The following DIS3L2 variants were observed in gnomAD, a reference collection of about 807,000 sequenced individuals.
The protein encoded by DIS3L2 is DIS3-like exonuclease 2.
A neutral mutation model predicts 97.5 loss-of-function variants in DIS3L2; 34 were observed. The ratio of observed to expected loss-of-function variants is 0.35; its 90% CI spans 0.27 to 0.46. The LOEUF is 0.46. DIS3L2 is among the 20% of genes least tolerant of loss of function. The pLI is 1.00. For synonymous variants in DIS3L2, 435 were observed against 445.2 expected (o/e 0.98, Z 0.29); for missense variants, 1,038 against 1,146.0 (o/e 0.91, Z 1.36).
chr2:232,084,118 T>TA (rs1180709406), intron 5 of DIS3L2, among the ~76,000 whole-genome samples: 2 of 152,196 alleles, frequency 1.3e-5, no homozygotes, highest in Admixed American at 6.5e-5. Context: ...ATTTGAGTGA[T>TA]ATCGGATTCT....
At chr2:232,228,660 G>A (rs749497983) in intron 10 of DIS3L2, among the ~76,000 whole-genome samples, 20 of 152,114 alleles carry the variant, frequency 1.3e-4, no homozygotes, top group Non-Finnish European at 2.4e-4. Context: ...TCCTGCTCAG[G>A]CTGGCCAGTA....
chr2:232,247,883 T>C (rs1172091648), intron 11 of DIS3L2, among the ~76,000 whole-genome samples: 1 of 152,196 alleles, frequency 6.6e-6, no homozygotes, highest in Non-Finnish European at 1.5e-5. Flanking sequence ...TCTGAACTGA[T>C]GGTGCAAAAG....
chr2:232,228,707 T>C (rs1403707125), intron 10 of DIS3L2, among the ~76,000 whole-genome samples: 2 of 152,164 alleles, frequency 1.3e-5, no homozygotes, highest in African/African-American at 2.4e-5. Flanking sequence ...AGTCAAGAGG[T>C]ACACAGGTGG....
At chr2:232,212,070 C>T (rs997954095) in intron 10 of DIS3L2, among the ~76,000 whole-genome samples, 2 of 152,118 alleles carry the variant, frequency 1.3e-5, no homozygotes, top group Non-Finnish European at 2.9e-5. Flanking sequence ...GAGAAAAGGT[C>T]CCCTGGAAAT....
chr2:232,318,418 T>A (rs1161341956), intron 14 of DIS3L2, among the ~76,000 whole-genome samples: 1 of 152,226 alleles, frequency 6.6e-6, no homozygotes, highest in African/African-American at 2.4e-5. Context: ...CCAGCAAACA[T>A]TATTGGACGC....
chr2:232,205,211 CAT>C (rs57163508), intron 9 of DIS3L2, among the ~76,000 whole-genome samples: 6,183 of 140,472 alleles, frequency 0.044, 277 homozygotes, highest in African/African-American at 0.12. Flanking sequence ...AGGCAGTTTA[CAT>C]ATATATATAT....
chr2:232,114,793 A>G (rs1697649901), intron 6 of DIS3L2, among the ~76,000 whole-genome samples: 1 of 152,222 alleles, frequency 6.6e-6, no homozygotes, highest in Non-Finnish European at 1.5e-5. Flanking sequence ...GAAGAAAAGT[A>G]TCTGGAAGTG....
At chr2:232,077,263 C>G (rs1696219666) in intron 5 of DIS3L2, among the ~76,000 whole-genome samples, 1 of 148,994 alleles carries the variant, frequency 6.7e-6, no homozygotes, top group Admixed American at 6.7e-5. Context: ...TTCCTTTCAG[C>G]ACACTGCCAT....
intron 6 of DIS3L2, among the ~76,000 whole-genome samples, chr2:232,102,916 A>C (rs188350940): frequency 6.6e-6 from 1 of 152,268 alleles, no homozygotes; most frequent in South Asian, 2.1e-4. Context: ...GGCCAGTCAC[A>C]ATTTTATTTC....
intron 9 of DIS3L2, among the ~76,000 whole-genome samples, chr2:232,198,210 A>G (rs763962494): frequency 2.6e-5 from 4 of 152,158 alleles, no homozygotes; most frequent in South Asian, 2.1e-4. Context: ...TTATAATTCT[A>G]TCCCCTTAAG....
At chr2:232,080,472 A>C (rs1696354008) in intron 5 of DIS3L2, among the ~76,000 whole-genome samples, 1 of 152,220 alleles carries the variant, frequency 6.6e-6, no homozygotes, top group Admixed American at 6.5e-5. Context: ...TTCATCCCTG[A>C]ATACTTCAGG....
At chr2:232,235,140 G>A (rs1189148495) in intron 10 of DIS3L2, among the ~76,000 whole-genome samples, 6 of 152,262 alleles carry the variant, frequency 3.9e-5, no homozygotes, top group Non-Finnish European at 7.3e-5. Flanking sequence ...AGCCAGGCCC[G>A]GCTGCCCGGG....
chr2:232,341,006 A>G, downstream of DIS3L2: 1 of 458,684 alleles, frequency 2.2e-6, no homozygotes, highest in South Asian at 1.6e-5. Context: ...AAACGAGAGG[A>G]GGTTGCTCCA....
chr2:232,326,084 C>G (rs1218985943), intron 14 of DIS3L2, among the ~76,000 whole-genome samples: 1 of 152,148 alleles, frequency 6.6e-6, no homozygotes, highest in Non-Finnish European at 1.5e-5. Flanking sequence ...GGGAGGAGGT[C>G]AGGGGAGAGG....
At chr2:232,337,545 G>A (rs1223586722), downstream of DIS3L2, among the ~76,000 whole-genome samples, 1 of 152,116 alleles carries the variant, frequency 6.6e-6, no homozygotes, top group Non-Finnish European at 1.5e-5. Flanking sequence ...GTCCCGAGCA[G>A]AGCTGGCTGG....
chr2:232,127,328 A>G (rs1026181066), intron 6 of DIS3L2, among the ~76,000 whole-genome samples: 3 of 152,220 alleles, frequency 2.0e-5, no homozygotes, highest in Non-Finnish European at 2.9e-5. Flanking sequence ...TTCCTGTGCC[A>G]TAAGTGATGC....
At chr2:232,278,627 G>A (rs1377776079) in intron 13 of DIS3L2, among the ~76,000 whole-genome samples, 1 of 152,220 alleles carries the variant, frequency 6.6e-6, no homozygotes, top group African/African-American at 2.4e-5. Context: ...GGTCGTCCAT[G>A]TTGTTGTGTG....
intron 4 of DIS3L2, among the ~76,000 whole-genome samples, chr2:232,029,490 C>A (rs1694745848): frequency 6.6e-6 from 1 of 151,674 alleles, no homozygotes; most frequent in African/African-American, 2.4e-5. Flanking sequence ...GTGTCTGTAT[C>A]TTGTGTTCAT....
chr2:232,066,787 T>A (rs570059744), intron 5 of DIS3L2, among the ~76,000 whole-genome samples: 1 of 152,198 alleles, frequency 6.6e-6, no homozygotes. Flanking sequence ...AACATTTTTT[T>A]TGACATTCCT....
Sources: gnomAD v4.1 joint callset for allele counts (sites outside exome capture counted in the v4.1 genomes callset) on GRCh38, gnomAD v4.1.1 for gene constraint, MANE v1.5 for transcripts, NCBI Gene and HGNC (gene_info 2026-07-23, HGNC 2026-07-21) for gene names.